ZFAND3: variants seen among roughly 807,000 people sequenced by gnomAD.
ZFAND3 encodes the protein AN1-type zinc finger protein 3.
ZFAND3 carries 10 observed loss-of-function variants against 29.6 expected under a neutral mutation model. The observed-to-expected ratio is 0.34, with a 90% CI of 0.21 to 0.57. The LOEUF is 0.57. Among genes scored for constraint, ZFAND3 ranks in the 20% least tolerant of loss-of-function variants. The pLI, the probability that ZFAND3 is intolerant of heterozygous loss-of-function variation, is 0.86. For synonymous variants in ZFAND3, 128 were observed against 112.6 expected (o/e 1.14, Z -0.87); for missense variants, 230 against 304.5 (o/e 0.76, Z 1.82).
intron 3 of ZFAND3, among the ~76,000 whole-genome samples, chr6:38,071,646 C>T (rs1205143458): frequency 3.9e-5 from 6 of 151,978 alleles, no homozygotes; most frequent in African/African-American, 1.4e-4. Context: ...GAATAATTGA[C>T]ATTTTAATAA....
intron 2 of ZFAND3, among the ~76,000 whole-genome samples, chr6:38,038,080 G>A (rs751371693): frequency 1.3e-5 from 2 of 152,182 alleles, no homozygotes; most frequent in African/African-American, 2.4e-5. Context: ...GGCAGTCTGC[G>A]TGTAGGGCCT....
chr6:38,030,263 G>C (rs1763534618), intron 2 of ZFAND3, among the ~76,000 whole-genome samples: 1 of 150,686 alleles, frequency 6.6e-6, no homozygotes, highest in Admixed American at 6.6e-5. Context: ...CTGACCTCAA[G>C]TAATCCTCCC....
intron 1 of ZFAND3, among the ~76,000 whole-genome samples, chr6:37,896,358 T>A (rs1027220803): frequency 1.3e-5 from 2 of 152,122 alleles, no homozygotes; most frequent in Non-Finnish European, 1.5e-5. Context: ...ATTACATAAA[T>A]GTTTGAGTAT....
intron 4 of ZFAND3, among the ~76,000 whole-genome samples, chr6:38,115,011 G>A (rs545956494): frequency 7.9e-4 from 121 of 152,340 alleles, no homozygotes; most frequent in Middle Eastern, 6.8e-3. Context: ...CAGTGATCTA[G>A]AAGTGATGAT....
intron 5 of ZFAND3, among the ~76,000 whole-genome samples, chr6:38,124,828 A>C (rs1024087188): frequency 4.6e-5 from 7 of 152,192 alleles, no homozygotes; most frequent in Admixed American, 4.6e-4. Flanking sequence ...GAGGCCGAGG[A>C]GGCGCCAAGA....
chr6:37,910,932 C>T (rs891632852), intron 1 of ZFAND3, among the ~76,000 whole-genome samples: 1 of 152,152 alleles, frequency 6.6e-6, no homozygotes, highest in Non-Finnish European at 1.5e-5. Context: ...CACATTTTAT[C>T]CATGCATCCA....
rs535151138 is a variant in ZFAND3, at chr6:38,037,782, C to T, written c.113-23811C>T. On this transcript the variant is annotated intron_variant, in intron 2 of 5. Transcript: ENST00000287218. ...ATGAAAGGCGGGCGTGTAGGTTATG[C>T]GCTGTTCTGGAGACCAGCCAAGTGG... 1.2e-4 allele frequency among the ~76,000 whole-genome samples: 19 copies of T among 152,202 alleles called. No homozygotes were observed. The East Asian group carries it at 1.9e-3, about 15-fold the overall frequency.
chr6:37,890,734 A>G (rs1428444640), intron 1 of ZFAND3, among the ~76,000 whole-genome samples: 1 of 152,224 alleles, frequency 6.6e-6, no homozygotes, highest in Non-Finnish European at 1.5e-5. Context: ...TTATTTCAAG[A>G]TAAGCACACA....
rs150299880 is a variant in ZFAND3 at position 37,973,258 on chromosome 6, A to C, written c.112+43259A>C. Among the ~76,000 whole-genome samples, 873 of 152,318 alleles carry C rather than the reference A, an allele frequency of 5.7e-3. 8 individuals are homozygous for C. Among genetic ancestry groups the C allele is most frequent in the African/African-American group, 0.02 (837 of 41,566 alleles). On this transcript the variant is annotated intron_variant, in intron 2 of 5. Coordinates refer to ENST00000287218, the MANE Select transcript of ZFAND3 (RefSeq NM_021943.3). ...GTAAAGGAAATTTTATGGGATTAAAAAAATTCTATGCTCCATTCTAGGTTG... is the reference window on the plus strand; with the variant it reads ...GTAAAGGAAATTTTATGGGATTAAACAAATTCTATGCTCCATTCTAGGTTG...
intron 3 of ZFAND3, among the ~76,000 whole-genome samples, chr6:38,064,803 A>T (rs564074245): frequency 1.9e-4 from 28 of 150,910 alleles, no homozygotes; most frequent in Non-Finnish European, 3.2e-4. Context: ...TTAGACTTAT[A>T]CTCTCTGAAG....
intron 4 of ZFAND3, among the ~76,000 whole-genome samples, chr6:38,086,949 A>G (rs368818533): frequency 6.6e-6 from 1 of 152,204 alleles, no homozygotes; most frequent in African/African-American, 2.4e-5. Context: ...TATACTACAG[A>G]GCTATACTAA....
intron 2 of ZFAND3, among the ~76,000 whole-genome samples, chr6:37,951,950 A>G (rs1252434999): frequency 6.6e-6 from 1 of 152,186 alleles, no homozygotes; most frequent in Non-Finnish European, 1.5e-5. Flanking sequence ...AGATGCATTT[A>G]TTGAGATGTT....
chr6:37,859,865 T>TGG (rs1764449216), intron 1 of ZFAND3, among the ~76,000 whole-genome samples: 5 of 147,996 alleles, frequency 3.4e-5, no homozygotes, highest in African/African-American at 1.0e-4. Context: ...GGAGTGGGTT[T>TGG]TTTTTTTTTT....
chr6:38,124,532 C>T (rs907550940), intron 5 of ZFAND3, among the ~76,000 whole-genome samples: 2 of 152,168 alleles, frequency 1.3e-5, no homozygotes, highest in South Asian at 2.1e-4. Context: ...GCCGGTGGGC[C>T]GCACTGCTGG....
chr6:37,984,591 AT>A (rs1762634505), intron 2 of ZFAND3, among the ~76,000 whole-genome samples: 2 of 152,244 alleles, frequency 1.3e-5, no homozygotes, highest in Admixed American at 1.3e-4. Flanking sequence ...TGATTACATA[AT>A]TTGAACAAAG....
intron 1 of ZFAND3, among the ~76,000 whole-genome samples, chr6:37,876,879 C>T (rs756461220): frequency 6.6e-6 from 1 of 152,078 alleles, no homozygotes; most frequent in African/African-American, 2.4e-5. Flanking sequence ...AGGTTATTTT[C>T]GATGTTTAGT....
intron 2 of ZFAND3, among the ~76,000 whole-genome samples, chr6:37,936,312 G>C (rs1761696578): frequency 2.0e-5 from 3 of 152,202 alleles, no homozygotes; most frequent in African/African-American, 7.2e-5. Flanking sequence ...TGGGAGAAGA[G>C]AGGAGTATGG....
chr6:37,878,148 G>T (rs1249361500), intron 1 of ZFAND3, among the ~76,000 whole-genome samples: 2 of 152,184 alleles, frequency 1.3e-5, no homozygotes, highest in Non-Finnish European at 2.9e-5. Flanking sequence ...TGGAGGGAAA[G>T]TATGATCCGA....
At chr6:38,143,741 G>C (rs1766010943) in intron 5 of ZFAND3, among the ~76,000 whole-genome samples, 1 of 152,050 alleles carries the variant, frequency 6.6e-6, no homozygotes, top group Non-Finnish European at 1.5e-5. Context: ...TGTCCATCCA[G>C]TGGTTCTCTT....
Sources: gnomAD v4.1 joint callset for allele counts (sites outside exome capture counted in the v4.1 genomes callset) on GRCh38, gnomAD v4.1.1 for gene constraint, MANE v1.5 for transcripts, NCBI Gene and HGNC (gene_info 2026-07-23, HGNC 2026-07-21) for gene names.